Variants in TMEM217B observed in about 807,000 individuals in gnomAD.
The protein encoded by TMEM217B is transmembrane protein 217B.
chr6:37,221,443 T>C, the TMEM217B span, among the ~76,000 whole-genome samples: 1 of 152,126 alleles, frequency 6.6e-6, no homozygotes, highest in Non-Finnish European at 1.5e-5. Context: ...CACCTCGGCC[T>C]CCCAAAGTGC....
At chr6:37,240,100 GTA>G in the TMEM217B span, among the ~76,000 whole-genome samples, 1 of 152,296 alleles carries the variant, frequency 6.6e-6, no homozygotes, top group Admixed American at 6.5e-5. Context: ...AAGCCTTTAA[GTA>G]TGTGTGACTG....
chr6:37,229,345 T>TTGTTTTG, the TMEM217B span, among the ~76,000 whole-genome samples: 2 of 128,698 alleles, frequency 1.6e-5, no homozygotes, highest in African/African-American at 6.1e-5. Context: ...GTTTTTTTTT[T>TTGTTTTG]TTTTTTTTTT....
chr6:37,232,300 A>G, the TMEM217B span, among the ~76,000 whole-genome samples: 10 of 152,188 alleles, frequency 6.6e-5, no homozygotes, highest in Non-Finnish European at 1.5e-4. Flanking sequence ...TCCTGCCCAT[A>G]ATGGATTTTC....
the TMEM217B span, among the ~76,000 whole-genome samples, chr6:37,222,269 ACCCGCCCCCTTCCAC>A: frequency 6.6e-6 from 1 of 151,392 alleles, no homozygotes; most frequent in South Asian, 2.1e-4. Context: ...CTTACTGAGG[ACCCGCCCCCTTCCAC>A]CCGGGAATCG....
At chr6:37,229,006 A>C in the TMEM217B span, among the ~76,000 whole-genome samples, 9 of 152,172 alleles carry the variant, frequency 5.9e-5, no homozygotes, top group East Asian at 3.9e-4. Context: ...CAAAAAAAAA[A>C]CAAAAAACAA....
the TMEM217B span, among the ~76,000 whole-genome samples, chr6:37,222,572 G>A: frequency 1.3e-5 from 2 of 152,224 alleles, no homozygotes. Context: ...TCAGTGAAGT[G>A]GGAGGCCCAG....
At chr6:37,252,452 C>T in the TMEM217B span, among the ~76,000 whole-genome samples, 1 of 151,518 alleles carries the variant, frequency 6.6e-6, no homozygotes, top group South Asian at 2.1e-4. Flanking sequence ...CCCTGGTTGA[C>T]ATACATACAT....
chr6:37,254,004 GA>G, the TMEM217B span, among the ~76,000 whole-genome samples: 1 of 152,278 alleles, frequency 6.6e-6, no homozygotes, highest in East Asian at 1.9e-4. Flanking sequence ...TTGAGGGGGG[GA>G]AAGTAAAAAC....
At chr6:37,214,208 C>A in the TMEM217B span, among the ~76,000 whole-genome samples, 8,941 of 152,204 alleles carry the variant, frequency 0.059, 734 homozygotes, top group African/African-American at 0.18. Context: ...TATCGCTATC[C>A]ATCTCCAGAA....
the TMEM217B span, among the ~76,000 whole-genome samples, chr6:37,231,413 A>C: frequency 3.3e-5 from 5 of 149,340 alleles, no homozygotes; most frequent in African/African-American, 1.2e-4. Context: ...GGTGGCTCAT[A>C]CCTCTAATCC....
chr6:37,217,769 C>T, the TMEM217B span: 1 of 985,390 alleles, frequency 1.0e-6, no homozygotes, highest in Non-Finnish European at 1.2e-6. Flanking sequence ...GGTATAAATA[C>T]AGATTTGCTT....
the TMEM217B span, chr6:37,218,156 A>C: frequency 2.6e-6 from 3 of 1,162,764 alleles, no homozygotes; most frequent in Admixed American, 1.4e-4. Flanking sequence ...ATAGTGGTGG[A>C]TAAAGCTGCT....
chr6:37,218,769 C>T, the TMEM217B span: 2 of 1,614,140 alleles, frequency 1.2e-6, no homozygotes, highest in East Asian at 2.2e-5. Context: ...AAGATCTGGG[C>T]ATACACTGAG....
At chr6:37,231,947 T>C in the TMEM217B span, among the ~76,000 whole-genome samples, 1 of 151,904 alleles carries the variant, frequency 6.6e-6, no homozygotes, top group Admixed American at 6.6e-5. Context: ...TAGCCCAGAC[T>C]TACTAAAATC....
chr6:37,244,813 A>C, the TMEM217B span, among the ~76,000 whole-genome samples: 4 of 152,240 alleles, frequency 2.6e-5, no homozygotes, highest in African/African-American at 4.8e-5. Flanking sequence ...GGACTCGCTC[A>C]AGTGTCTGAG....
the TMEM217B span, among the ~76,000 whole-genome samples, chr6:37,227,646 A>T: frequency 7.3e-5 from 11 of 151,694 alleles, no homozygotes; most frequent in Admixed American, 7.2e-4. Context: ...GGGTTTCATC[A>T]TGCTGTCCAG....
chr6:37,212,427 C>T, the TMEM217B span: 1 of 417,136 alleles, frequency 2.4e-6, no homozygotes, highest in Non-Finnish European at 4.8e-6. Context: ...AGTTTAACTT[C>T]CGGTACAACA....
chr6:37,243,211 G>T, the TMEM217B span, among the ~76,000 whole-genome samples: 1 of 152,102 alleles, frequency 6.6e-6, no homozygotes, highest in African/African-American at 2.4e-5. Context: ...ATTTGGCAAG[G>T]GCTATTACTC....
chr6:37,234,038 C>A, the TMEM217B span, among the ~76,000 whole-genome samples: 50 of 151,138 alleles, frequency 3.3e-4, no homozygotes, highest in African/African-American at 1.2e-3. Context: ...TGTAAGTGTT[C>A]TTAGCACATT....
Sources: allele counts gnomAD v4.1 joint callset (sites outside exome capture counted in the v4.1 genomes callset), GRCh38; gene constraint gnomAD v4.1.1; transcripts MANE v1.5; gene names NCBI Gene and HGNC (gene_info 2026-07-23, HGNC 2026-07-21).